The following DLG2 variants were observed in gnomAD, a reference collection of about 807,000 sequenced individuals.
DLG2 encodes discs large MAGUK scaffold protein 2, also known as disks large homolog 2.
A neutral mutation model predicts 132.5 loss-of-function variants in DLG2; 45 were observed. That is an observed-to-expected ratio of 0.34 (90% CI 0.27 to 0.44). The LOEUF is 0.44. Among genes scored for constraint, DLG2 ranks in the 20% least tolerant of loss-of-function variants. DLG2 has a pLI of 1.00. For synonymous variants in DLG2, 424 were observed against 419.6 expected, an observed-to-expected ratio of 1.01 and a Z score of -0.13; for missense variants, 1,045 against 1,196.9, an observed-to-expected ratio of 0.87 and a Z score of 1.87.
chr11:84,763,918 C>T (rs1273567994), intron 6 of DLG2, among the ~76,000 whole-genome samples: 1 of 152,120 alleles, frequency 6.6e-6, no homozygotes, highest in Non-Finnish European at 1.5e-5. Context: ...TGAGGGGCTA[C>T]ATCAGCAAAA....
chr11:84,011,555 G>C (rs982616155), intron 11 of DLG2, among the ~76,000 whole-genome samples: 1 of 152,018 alleles, frequency 6.6e-6, no homozygotes, highest in Non-Finnish European at 1.5e-5. Context: ...ATTGTGAGAA[G>C]ACTCATTATT....
chr11:83,957,207 A>G (rs1049239710), intron 14 of DLG2, among the ~76,000 whole-genome samples: 14 of 152,242 alleles, frequency 9.2e-5, no homozygotes, highest in African/African-American at 2.9e-4. Context: ...AACATTTGAC[A>G]AACAGTGGGC....
At chr11:85,118,006 A>G (rs183822357) in intron 5 of DLG2, among the ~76,000 whole-genome samples, 58 of 152,226 alleles carry the variant, frequency 3.8e-4, no homozygotes, top group South Asian at 2.5e-3. Flanking sequence ...TCCTTGTTCA[A>G]TGTGTCAATT....
intron 7 of DLG2, among the ~76,000 whole-genome samples, chr11:84,476,507 TATGAC>T (rs1289958066): frequency 6.6e-6 from 1 of 152,168 alleles, no homozygotes; most frequent in African/African-American, 2.4e-5. Flanking sequence ...ACTGAAAAGC[TATGAC>T]ATTCAACCAA....
chr11:84,380,917 A>G (rs2098747051), intron 7 of DLG2, among the ~76,000 whole-genome samples: 1 of 151,982 alleles, frequency 6.6e-6, no homozygotes, highest in Non-Finnish European at 1.5e-5. Flanking sequence ...ATTTATGAAT[A>G]TATTAATGGA....
chr11:84,860,447 A>G lies in DLG2; in HGVS notation c.357+251214T>C, dbSNP rs189985532. On this transcript the variant is annotated intron_variant, in intron 6 of 27. Coordinates refer to ENST00000376104, the MANE Select transcript of DLG2 (RefSeq NM_001142699.3). ...AGGGCTTCATTTGTAGGTAGAATGT[A>G]TTTTATGTGTATGGACTGGGATTTT... Among the ~76,000 whole-genome samples the G allele has an allele frequency of 2.8e-3, 429 of 152,234 alleles. 3 individuals carry two copies. The highest frequency in any genetic ancestry group is 0.014 in the South Asian group (67 of 4,826).
intron 6 of DLG2, among the ~76,000 whole-genome samples, chr11:84,574,600 T>C (rs1266414308): frequency 6.6e-6 from 1 of 152,194 alleles, no homozygotes; most frequent in Non-Finnish European, 1.5e-5. Context: ...CTTAGACACA[T>C]GTTAACACTC....
chr11:84,580,006 A>G (rs1028273386), intron 6 of DLG2, among the ~76,000 whole-genome samples: 1 of 152,158 alleles, frequency 6.6e-6, no homozygotes, highest in Admixed American at 6.5e-5. Flanking sequence ...GGAAGGAGAG[A>G]AAAGATGATG....
intron 3 of DLG2, among the ~76,000 whole-genome samples, chr11:85,512,450 C>G (rs1328312214): frequency 6.6e-6 from 1 of 151,966 alleles, no homozygotes; most frequent in Non-Finnish European, 1.5e-5. Context: ...TAATTAAGTG[C>G]CTTTGGATAC....
Position 83,980,950 on chromosome 11 carries a change from G to C in DLG2, c.920-308C>G, listed in dbSNP as rs118146410. On this transcript the variant is annotated intron_variant, in intron 11 of 27. Coordinates refer to ENST00000376104, the MANE Select transcript of DLG2 (RefSeq NM_001142699.3). ...GGGTAACTGGCCAGAGCAGGGATCA[G>C]GTGAAGGGTGTGGAGGAATCCTAGG... Among the ~76,000 whole-genome samples, 616 of 152,298 alleles carry C rather than the reference G, an allele frequency of 4.0e-3. 1 individual carries two copies. The highest frequency in any genetic ancestry group is 6.9e-3 in the Non-Finnish European group (471 of 68,012).
At chr11:83,724,935 T>C in intron 18 of DLG2, 1 of 702,422 alleles carries the variant, frequency 1.4e-6, no homozygotes, top group Non-Finnish European at 2.6e-6. Flanking sequence ...TCCCTCCTCC[T>C]GGTTGAGCTG....
At chr11:85,159,465 G>A (rs981623289) in intron 4 of DLG2, among the ~76,000 whole-genome samples, 3 of 152,186 alleles carry the variant, frequency 2.0e-5, no homozygotes, top group African/African-American at 4.8e-5. Flanking sequence ...TGCATCCCTG[G>A]AGGGATTGTG....
intron 6 of DLG2, among the ~76,000 whole-genome samples, chr11:84,702,576 TTCCTTTTGCTC>T (rs1485725655): frequency 6.6e-6 from 1 of 151,684 alleles, no homozygotes; most frequent in Admixed American, 6.6e-5. Flanking sequence ...TCTCAAATAT[TTCCTTTTGCTC>T]TGTCTCAAAG....
intron 7 of DLG2, among the ~76,000 whole-genome samples, chr11:84,261,861 T>C (rs1158226980): frequency 6.6e-6 from 1 of 152,102 alleles, no homozygotes; most frequent in Non-Finnish European, 1.5e-5. Flanking sequence ...CAGAATTAGA[T>C]ACAATGGGTA....
chr11:85,610,208 T>C (rs1381989032), intron 2 of DLG2, among the ~76,000 whole-genome samples: 1 of 152,218 alleles, frequency 6.6e-6, no homozygotes, highest in Non-Finnish European at 1.5e-5. Flanking sequence ...AAGATATTGT[T>C]AAACATTTAA....
chr11:83,768,944 G>T (rs1435429429), intron 18 of DLG2, among the ~76,000 whole-genome samples: 1 of 152,178 alleles, frequency 6.6e-6, no homozygotes, highest in African/African-American at 2.4e-5. Flanking sequence ...CTTAATTGTT[G>T]TGTAACTTCC....
chr11:85,453,229 C>G (rs921811395), intron 3 of DLG2: 2 of 365,974 alleles, frequency 5.5e-6, no homozygotes, highest in Non-Finnish European at 9.7e-6. Flanking sequence ...AAATTATTAT[C>G]TGGTCCAGTG....
chr11:83,753,837 T>TATATATC lies in DLG2; in HGVS notation c.1825+32846_1825+32852dup, dbSNP rs1566831693. Among the ~76,000 whole-genome samples the TATATATC allele has an allele frequency of 1.5e-3, 17 of 11,082 alleles. 2 individuals are homozygous for TATATATC. The highest frequency in any genetic ancestry group is 6.5e-3 in the African/African-American group (17 of 2,600). The allele number at this position is 11,082 out of a possible 152,430, so 7.3% of individuals were successfully genotyped here. On this transcript the variant is annotated intron_variant, in intron 18 of 27. Coordinates refer to ENST00000376104, the MANE Select transcript of DLG2 (RefSeq NM_001142699.3). ...ATATATATATTTCATATATATATGA[T>TATATATC]ATATATCATATATATCATATATATA...
At chr11:85,112,017 G>T (rs1051392509) in intron 5 of DLG2, among the ~76,000 whole-genome samples, 1 of 152,004 alleles carries the variant, frequency 6.6e-6, no homozygotes, top group Non-Finnish European at 1.5e-5. Context: ...AACCACCTGA[G>T]AACTCTTACA....
Sources: allele counts gnomAD v4.1 joint callset (sites outside exome capture counted in the v4.1 genomes callset), GRCh38; gene constraint gnomAD v4.1.1; transcripts MANE v1.5; gene names NCBI Gene and HGNC (gene_info 2026-07-23, HGNC 2026-07-21).